SOS1: variants seen among roughly 807,000 people sequenced by gnomAD.
SOS1 encodes son of sevenless homolog 1.
Under a neutral mutation model 157.6 loss-of-function variants are expected in SOS1, and 25 were observed. The observed-to-expected ratio is 0.16, with a 90% CI of 0.12 to 0.22. The LOEUF (loss-of-function observed/expected upper bound fraction) is 0.22, where lower values mean the gene tolerates loss of function less well. Among genes scored for constraint, SOS1 ranks in the 10% least tolerant of loss-of-function variants. SOS1 has a pLI of 1.00. For missense variants in SOS1, 1,237 were observed against 1,599.1 expected (o/e 0.77, Z 3.86); for synonymous variants, 528 against 534.0 (o/e 0.99, Z 0.16).
At chr2:39,083,360 AG>A (rs1398443156) in intron 1 of SOS1, among the ~76,000 whole-genome samples, 1 of 152,192 alleles carries the variant, frequency 6.6e-6, no homozygotes, top group Non-Finnish European at 1.5e-5. Flanking sequence ...AATGGTGGTT[AG>A]GGTATATTCT....
At chr2:39,020,857 T>G (rs1487458234) in intron 10 of SOS1, among the ~76,000 whole-genome samples, 2 of 151,462 alleles carry the variant, frequency 1.3e-5, no homozygotes, top group Non-Finnish European at 3.0e-5. Flanking sequence ...TGACATAAAT[T>G]AAAATATTCA....
At chr2:39,058,580 G>C in intron 3 of SOS1, 93 bp downstream of exon 3, 1 of 1,340,854 alleles carries the variant, frequency 7.5e-7, no homozygotes, top group Non-Finnish European at 1.1e-6. Flanking sequence ...CTCTTAAGTT[G>C]ACTCAATTAT....
intron 17 of SOS1, among the ~76,000 whole-genome samples, chr2:39,001,964 T>G (rs1339817669): frequency 1.3e-5 from 2 of 152,322 alleles, no homozygotes; most frequent in South Asian, 2.1e-4. Context: ...ACAGCTCACC[T>G]TAAAACACCT....
chr2:39,113,512 T>C (rs1008862813), intron 1 of SOS1, among the ~76,000 whole-genome samples: 1 of 151,680 alleles, frequency 6.6e-6, no homozygotes, highest in African/African-American at 2.4e-5. Flanking sequence ...GATTTTAGAG[T>C]TGGGGGAGGG....
chr2:39,013,348 T>C, intron 13 of SOS1, 112 bp downstream of exon 13: 3 of 759,828 alleles, frequency 3.9e-6, no homozygotes, highest in East Asian at 2.5e-5. Flanking sequence ...ATGGTTATGC[T>C]GGTACTATTA....
At chr2:39,049,588 A>C (rs1373847348) in intron 6 of SOS1, among the ~76,000 whole-genome samples, 1 of 152,192 alleles carries the variant, frequency 6.6e-6, no homozygotes, top group Non-Finnish European at 1.5e-5. Flanking sequence ...TGATTTTATT[A>C]ATTACCATTC....
At chr2:39,108,416 C>T (rs1673285749) in intron 1 of SOS1, among the ~76,000 whole-genome samples, 1 of 152,238 alleles carries the variant, frequency 6.6e-6, no homozygotes, top group Non-Finnish European at 1.5e-5. Flanking sequence ...TTCACACGAT[C>T]TGGCCCCCAC....
intron 3 of SOS1, 69 bp downstream of exon 3, chr2:39,058,604 T>C: frequency 1.3e-6 from 2 of 1,495,696 alleles, no homozygotes; most frequent in Non-Finnish European, 1.9e-6. Flanking sequence ...TAAAATATAT[T>C]CTTATTGTAT....
chr2:38,992,186 A>G (rs532289062), intron 20 of SOS1: 1 of 152,136 alleles, frequency 6.6e-6, no homozygotes, highest in Admixed American at 6.5e-5. Context: ...CACATCTGTT[A>G]GTTAGGCAAA....
intron 15 of SOS1, among the ~76,000 whole-genome samples, chr2:39,008,320 C>T (rs568698491): frequency 6.6e-6 from 1 of 152,168 alleles, no homozygotes; most frequent in East Asian, 1.9e-4. Flanking sequence ...TGCCACTCTA[C>T]CTGCTCAACC....
At chr2:39,105,072 C>G (rs999907732) in intron 1 of SOS1, among the ~76,000 whole-genome samples, 3 of 152,082 alleles carry the variant, frequency 2.0e-5, no homozygotes, top group Non-Finnish European at 1.5e-5. Flanking sequence ...CTATAGAAAT[C>G]AGCCCTAGCA....
chr2:39,022,692 T>G lies in SOS1; in HGVS notation c.1736A>C (p.Glu579Ala). 1.9e-6 allele frequency: 3 copies of G among 1,613,578 alleles called. No homozygotes were observed. The highest frequency in any genetic ancestry group is 2.5e-6 in the Non-Finnish European group (3 of 1,179,530). Reference sequence around the variant, plus strand: ...TATAATATTCTCTTCAGAGTCAGGCTCTGCAAATCTATAAACATCAGCACT... The same window carrying G: ...TATAATATTCTCTTCAGAGTCAGGCGCTGCAAATCTATAAACATCAGCACT... ...LPSADVYRFA[E>A]PDSEENIIFE... The change falls in exon 10 of 23, where the codon GAG becomes GCG. Residue 579 changes from glutamate (E) to alanine (A), a missense_variant. This residue lies in a region of SOS1 where 210 missense variants were observed against 220.2 expected (regional missense o/e 0.95). Coordinates refer to ENST00000402219, the MANE Select transcript of SOS1 (RefSeq NM_005633.4).
In SOS1 at chr2:38,982,654, T is replaced by G; in HGVS notation, c.*3170A>C. 1 of 152,182 alleles carries G rather than the reference T, an allele frequency of 6.6e-6. No homozygotes were observed. Among genetic ancestry groups the G allele is most frequent in the Non-Finnish European group, 1.5e-5 (1 of 68,006 alleles). The allele number at this position is 152,182 out of a possible 1,614,324, so 9.4% of individuals were successfully genotyped here. A position where few individuals can be genotyped will look rare whatever the true frequency, so the allele number is the denominator to read the frequency against. On this transcript the variant is annotated 3_prime_UTR_variant, in exon 23 of 23. Coordinates refer to ENST00000402219, the MANE Select transcript of SOS1 (RefSeq NM_005633.4). Reference sequence around the variant, plus strand: ...AGGAACAAAAAGGTTTTCTTCAATATGTACAACACTAATAAATTGGGACAC... The same window carrying G: ...AGGAACAAAAAGGTTTTCTTCAATAGGTACAACACTAATAAATTGGGACAC...
intron 1 of SOS1, among the ~76,000 whole-genome samples, chr2:39,097,144 C>G (rs376768421): frequency 6.6e-6 from 1 of 151,902 alleles, no homozygotes; most frequent in Admixed American, 6.6e-5. Flanking sequence ...GACAAGCCTA[C>G]GGAAAAAAGT....
intron 1 of SOS1, chr2:39,082,587 T>C (rs1021827411): frequency 1.3e-5 from 2 of 152,162 alleles, no homozygotes; most frequent in African/African-American, 2.4e-5. Context: ...AAAAAGAGCT[T>C]AGTGCTCGCT....
intron 1 of SOS1, among the ~76,000 whole-genome samples, chr2:39,095,302 T>C (rs944419900): frequency 1.3e-5 from 2 of 152,162 alleles, no homozygotes; most frequent in South Asian, 2.1e-4. Context: ...CCTGAGAATA[T>C]CTAGAGACTC....
At chr2:38,988,814 A>T (rs951050370) in intron 21 of SOS1, among the ~76,000 whole-genome samples, 1 of 152,144 alleles carries the variant, frequency 6.6e-6, no homozygotes, top group Non-Finnish European at 1.5e-5. Context: ...AATAATTACA[A>T]TTATAAGAAA....
chr2:39,020,563 G>A (rs1028788142), intron 10 of SOS1, among the ~76,000 whole-genome samples: 4 of 151,590 alleles, frequency 2.6e-5, no homozygotes, highest in African/African-American at 4.8e-5. Flanking sequence ...TTTCTCTTTG[G>A]GGAGGCTGAA....
Position 39,076,259 on chromosome 2 carries a change from G to T in SOS1, c.88-8506C>A, listed in dbSNP as rs144803885. On this transcript the variant is annotated intron_variant, in intron 1 of 22. Transcript: ENST00000402219. The stretch of plus-strand genomic sequence containing the variant: ...TACCCAAAATACAAAAATTAGCCAG[G>T]CATGGTAGCACACATCTGTGGTCCC... Among the ~76,000 whole-genome samples, 85 of 152,242 alleles carry T rather than the reference G, an allele frequency of 5.6e-4. 1 individual carries two copies. In the East Asian group the frequency reaches 0.012, roughly 21 times the overall value.
Sources: gnomAD v4.1 joint callset for allele counts (sites outside exome capture counted in the v4.1 genomes callset) on GRCh38, gnomAD v4.1.1 for gene constraint, gnomAD v4.1.1 regional missense constraint, MANE v1.5 for transcripts, NCBI Gene and HGNC (gene_info 2026-07-23, HGNC 2026-07-21) for gene names.